The following KIF6 variants were observed in gnomAD, a reference collection of about 807,000 sequenced individuals.
The protein encoded by KIF6 is kinesin family member 6, also known as kinesin-like protein KIF6.
Under a neutral mutation model 112.7 loss-of-function variants are expected in KIF6, and 106 were observed. The observed-to-expected ratio is 0.94, with a 90% CI of 0.80 to 1.11. KIF6 has a LOEUF of 1.11. KIF6 is among the 50% of genes least tolerant of loss of function. The pLI is 0.00. For missense variants in KIF6, 929 were observed against 964.0 expected, an observed-to-expected ratio of 0.96 and a Z score of 0.48; for synonymous variants, 339 against 339.9, an observed-to-expected ratio of 1.00 and a Z score of 0.03.
intron 16 of KIF6, among the ~76,000 whole-genome samples, chr6:39,384,543 T>A (rs1767244154): frequency 6.6e-6 from 1 of 152,260 alleles, no homozygotes. Context: ...GCCCTTGTTC[T>A]ATGTTCCTGA....
chr6:39,535,127 A>G (rs1778339018), intron 13 of KIF6, among the ~76,000 whole-genome samples: 1 of 152,252 alleles, frequency 6.6e-6, no homozygotes, highest in Non-Finnish European at 1.5e-5. Context: ...TGTAAAGACC[A>G]TAGAGACTAG....
intron 13 of KIF6, among the ~76,000 whole-genome samples, chr6:39,513,752 C>A (rs1375149648): frequency 6.6e-6 from 1 of 152,102 alleles, no homozygotes; most frequent in Non-Finnish European, 1.5e-5. Context: ...TTGCAACATG[C>A]CAGGTCTAGA....
At chr6:39,457,685 G>A (rs2150417454) in intron 13 of KIF6, among the ~76,000 whole-genome samples, 1 of 151,818 alleles carries the variant, frequency 6.6e-6, no homozygotes, top group South Asian at 2.1e-4. Flanking sequence ...ATGATAAAGG[G>A]GATATCACCA....
At chr6:39,510,094 CTTTTTT>C (rs70984130) in intron 13 of KIF6, among the ~76,000 whole-genome samples, 1 of 131,556 alleles carries the variant, frequency 7.6e-6, no homozygotes, top group East Asian at 2.2e-4. Context: ...CTTTTCTTTT[CTTTTTT>C]TTTTTTTTTT....
At chr6:39,610,286 A>G (rs1783146932) in intron 6 of KIF6, among the ~76,000 whole-genome samples, 1 of 152,228 alleles carries the variant, frequency 6.6e-6, no homozygotes, top group South Asian at 2.1e-4. Flanking sequence ...CATTGGTAGG[A>G]TTGCTGAAAT....
intron 3 of KIF6, among the ~76,000 whole-genome samples, chr6:39,688,565 C>T (rs1420705063): frequency 6.6e-6 from 1 of 151,708 alleles, no homozygotes; most frequent in Non-Finnish European, 1.5e-5. Context: ...TATATTGTGG[C>T]CCAGGAGAAA....
At chr6:39,409,876 G>A (rs1769357196) in intron 15 of KIF6, among the ~76,000 whole-genome samples, 1 of 152,210 alleles carries the variant, frequency 6.6e-6, no homozygotes, top group Non-Finnish European at 1.5e-5. Context: ...TCCCTGTTCA[G>A]CATCACTGAC....
intron 13 of KIF6, among the ~76,000 whole-genome samples, chr6:39,465,187 T>A: frequency 6.6e-6 from 1 of 152,152 alleles, no homozygotes; most frequent in East Asian, 1.9e-4. Flanking sequence ...TTGAAAGAGA[T>A]GGTCTCTGGT....
At chr6:39,700,871 C>T (rs1460445640) in intron 3 of KIF6, among the ~76,000 whole-genome samples, 1 of 152,152 alleles carries the variant, frequency 6.6e-6, no homozygotes, top group Non-Finnish European at 1.5e-5. Context: ...TGCCACCACA[C>T]CCAGCTAACT....
At chr6:39,525,609 G>C (rs536403906) in intron 13 of KIF6, among the ~76,000 whole-genome samples, 14 of 152,098 alleles carry the variant, frequency 9.2e-5, no homozygotes, top group Non-Finnish European at 1.6e-4. Flanking sequence ...ACAAAAATTA[G>C]CTGGGCATGG....
chr6:39,639,239 TCC>T (rs1784785077), intron 4 of KIF6, among the ~76,000 whole-genome samples: 1 of 152,108 alleles, frequency 6.6e-6, no homozygotes. Context: ...AATTATACTA[TCC>T]TGTTTAGTGT....
At chr6:39,677,676 T>A (rs1231740983) in intron 3 of KIF6, among the ~76,000 whole-genome samples, 1 of 93,842 alleles carries the variant, frequency 1.1e-5, no homozygotes, top group African/African-American at 4.8e-5. Flanking sequence ...ATGCTATCCC[T>A]CCCCCCTCCC....
chr6:39,654,131 A>C (rs1785632330), intron 3 of KIF6, among the ~76,000 whole-genome samples: 1 of 152,166 alleles, frequency 6.6e-6, no homozygotes, highest in Non-Finnish European at 1.5e-5. Context: ...ATAACATTTA[A>C]TGTGATTGAG....
At chr6:39,455,293 A>T (rs1238803616) in intron 13 of KIF6, among the ~76,000 whole-genome samples, 1 of 151,614 alleles carries the variant, frequency 6.6e-6, no homozygotes, top group Admixed American at 6.6e-5. Flanking sequence ...ATTCCAACAG[A>T]CCTGCAGCTG....
At position 39,337,164 on chromosome 6, in the gene KIF6, T is replaced by TTTCC. The variant is rs766759632; in HGVS notation, c.2429-620_2429-617dup. ...CCTTCCTTTCTCTTTCTTTTCTTTC[T>TTTCC]TTCCTTCCTTCTTTCTTTCTTTCTT... On this transcript the variant is annotated intron_variant, in intron 22 of 22. Transcript: ENST00000287152. 5.4e-3 allele frequency among the ~76,000 whole-genome samples: 393 copies of TTTCC among 72,132 alleles called. 16 individuals carry two copies. The highest frequency in any genetic ancestry group is 0.013 in the Middle Eastern group (2 of 156). 47.3% of individuals were successfully genotyped at this position (72,132 alleles called of 152,430 possible).
intron 10 of KIF6, among the ~76,000 whole-genome samples, chr6:39,559,101 A>G (rs985211640): frequency 1.1e-4 from 17 of 152,190 alleles, no homozygotes; most frequent in African/African-American, 9.6e-5. Context: ...ATAGTGAATT[A>G]TATTTCATGA....
chr6:39,611,568 ACTT>A (rs1376392848), intron 6 of KIF6, among the ~76,000 whole-genome samples: 1 of 152,182 alleles, frequency 6.6e-6, no homozygotes, highest in African/African-American at 2.4e-5. Context: ...TGAGGCCTGT[ACTT>A]CTCTAGGGAT....
chr6:39,564,848 A>C (rs1780197822), intron 10 of KIF6, among the ~76,000 whole-genome samples: 1 of 152,248 alleles, frequency 6.6e-6, no homozygotes, highest in South Asian at 2.1e-4. Flanking sequence ...TGCTTAGCTG[A>C]ATACGAAGAT....
At chr6:39,429,492 T>C (rs533207470) in intron 14 of KIF6, among the ~76,000 whole-genome samples, 1 of 152,350 alleles carries the variant, frequency 6.6e-6, no homozygotes, top group South Asian at 2.1e-4. Flanking sequence ...TGTCAGCTTT[T>C]CCTGTTGTTT....
Sources: allele counts gnomAD v4.1 joint callset (sites outside exome capture counted in the v4.1 genomes callset), GRCh38; gene constraint gnomAD v4.1.1; transcripts MANE v1.5; gene names NCBI Gene and HGNC (gene_info 2026-07-23, HGNC 2026-07-21).